Variants in PPFIBP1 observed in about 807,000 individuals in gnomAD.
PPFIBP1 encodes the protein liprin-beta-1.
Under a neutral mutation model 137.8 loss-of-function variants are expected in PPFIBP1, and 112 were observed. The observed-to-expected ratio is 0.81, with a 90% confidence interval of 0.70 to 0.95. The LOEUF is 0.95. PPFIBP1 is among the 40% of genes least tolerant of loss of function. The pLI, the probability that PPFIBP1 is intolerant of heterozygous loss-of-function variation, is 0.00. For missense variants in PPFIBP1, 1,083 were observed against 1,196.6 expected (o/e 0.91, Z 1.40); for synonymous variants, 378 against 417.3 (o/e 0.91, Z 1.15).
chr12:27,638,086 C>T (rs114600612), intron 4 of PPFIBP1, among the ~76,000 whole-genome samples: 32,783 of 151,748 alleles, frequency 0.22, 3,756 homozygotes, highest in East Asian at 0.29. Flanking sequence ...ATACTTACTG[C>T]ACATAGAATT....
chr12:27,617,791 G>A lies in PPFIBP1; in HGVS notation c.-35-15571G>A, dbSNP rs547229779. ...GATACAGAGGGCTGACTATATATAT[G>A]TATGTATATGAGTAAATGTATAAAT... On this transcript the variant is annotated intron_variant, in intron 2 of 29. Transcript: ENST00000228425. Among the ~76,000 whole-genome samples the A allele has an allele frequency of 2.6e-5, 4 of 152,282 alleles. 1 individual carries two copies. Among genetic ancestry groups the A allele is most frequent in the African/African-American group, 7.2e-5 (3 of 41,552 alleles).
At chr12:27,604,781 A>G (rs561397550) in intron 2 of PPFIBP1, among the ~76,000 whole-genome samples, 1 of 152,306 alleles carries the variant, frequency 6.6e-6, no homozygotes, top group Non-Finnish European at 1.5e-5. Context: ...GCTGATAAAG[A>G]CACACCCGAG....
intron 10 of PPFIBP1, among the ~76,000 whole-genome samples, chr12:27,659,393 T>A (rs1565958178): frequency 6.6e-6 from 1 of 152,062 alleles, no homozygotes; most frequent in Non-Finnish European, 1.5e-5. Context: ...AGGATCACTT[T>A]TGAGGCCAGG....
intron 2 of PPFIBP1, among the ~76,000 whole-genome samples, chr12:27,582,228 G>A (rs1206334830): frequency 1.3e-5 from 2 of 152,088 alleles, no homozygotes; most frequent in Admixed American, 1.3e-4. Context: ...ATGTGTGTGT[G>A]CATACATGCT....
At chr12:27,590,434 C>T (rs2052359329) in intron 2 of PPFIBP1, among the ~76,000 whole-genome samples, 1 of 152,166 alleles carries the variant, frequency 6.6e-6, no homozygotes, top group African/African-American at 2.4e-5. Flanking sequence ...CCTCGGCCTC[C>T]CAAAGTGCTG....
chr12:27,534,286 T>TG (rs1944732807), intron 1 of PPFIBP1, among the ~76,000 whole-genome samples: 1 of 149,088 alleles, frequency 6.7e-6, no homozygotes, highest in Admixed American at 6.6e-5. Flanking sequence ...ATAGGGGAAA[T>TG]GGAAAAAAAA....
intron 1 of PPFIBP1, among the ~76,000 whole-genome samples, chr12:27,541,089 A>G (rs1945602729): frequency 6.6e-6 from 1 of 152,174 alleles, no homozygotes; most frequent in Non-Finnish European, 1.5e-5. Flanking sequence ...CTATACTAAA[A>G]TGAACCCTTA....
chr12:27,634,712 G>A (rs1440242392), intron 3 of PPFIBP1, among the ~76,000 whole-genome samples, 198 bp from the exon 4 acceptor site: 2 of 152,152 alleles, frequency 1.3e-5, no homozygotes, highest in African/African-American at 4.8e-5. Flanking sequence ...CTGGACCATG[G>A]ATATTTACCA....
Position 27,672,306 on chromosome 12 carries a change from T to TA in PPFIBP1, c.1263-114dup, listed in dbSNP as rs1565985375. On this transcript the variant is annotated intron_variant, in intron 14 of 29. Coordinates refer to ENST00000228425, the MANE Select transcript of PPFIBP1 (RefSeq NM_003622.4). ...TTTAGGCCAAATAAAATAGGACATT[T>TA]AAAAAAATAGAAATAGCTTCCTTTG... 5.2e-6 allele frequency: 4 copies of TA among 761,914 alleles called. No homozygotes were observed. In the Admixed American group the frequency reaches 8.4e-5, roughly 16 times the overall value. 47.2% of individuals were successfully genotyped at this position (761,914 alleles called of 1,614,324 possible). A position where few individuals can be genotyped will look rare whatever the true frequency, so the allele number is the denominator to read the frequency against.
chr12:27,616,348 T>C (rs2055757280), intron 2 of PPFIBP1, among the ~76,000 whole-genome samples: 1 of 151,094 alleles, frequency 6.6e-6, no homozygotes, highest in Non-Finnish European at 1.5e-5. Context: ...ATCCCTCCTC[T>C]TCTACTTTGT....
chr12:27,587,758 T>A (rs148591509), intron 2 of PPFIBP1, among the ~76,000 whole-genome samples: 2,520 of 152,314 alleles, frequency 0.017, 69 homozygotes, highest in African/African-American at 0.058. Context: ...TCTGTCTTTT[T>A]TTTCCTGGAC....
At chr12:27,556,914 G>A (rs2048744288) in intron 1 of PPFIBP1, among the ~76,000 whole-genome samples, 1 of 150,500 alleles carries the variant, frequency 6.6e-6, no homozygotes, top group African/African-American at 2.5e-5. Flanking sequence ...AGGAGAGAGG[G>A]GGATTAAGCT....
intron 1 of PPFIBP1, among the ~76,000 whole-genome samples, chr12:27,557,942 C>T (rs956984127): frequency 1.3e-5 from 2 of 152,140 alleles, no homozygotes; most frequent in Non-Finnish European, 2.9e-5. Context: ...CCTGATAATC[C>T]TGGGAGCAGA....
intron 2 of PPFIBP1, among the ~76,000 whole-genome samples, chr12:27,609,961 G>A (rs2054918387): frequency 1.3e-5 from 2 of 152,148 alleles, no homozygotes; most frequent in Non-Finnish European, 2.9e-5. Flanking sequence ...AGGTCTTGGG[G>A]GAAAGAACCA....
At chr12:27,608,026 T>C (rs967366313) in intron 2 of PPFIBP1, among the ~76,000 whole-genome samples, 7 of 152,248 alleles carry the variant, frequency 4.6e-5, no homozygotes, top group African/African-American at 1.4e-4. Context: ...CTATTTTCAT[T>C]CTTTTTAAAT....
chr12:27,526,639 G>A (rs540922923), intron 1 of PPFIBP1, among the ~76,000 whole-genome samples: 1 of 152,238 alleles, frequency 6.6e-6, no homozygotes, highest in South Asian at 2.1e-4. Context: ...TTGGAGACCA[G>A]CCTGGCTAAC....
chr12:27,635,320 A>G, intron 4 of PPFIBP1: 2 of 609,944 alleles, frequency 3.3e-6, no homozygotes, highest in Non-Finnish European at 5.8e-6. Flanking sequence ...AAATACCAAC[A>G]ACAGGTCACC....
chr12:27,663,307 C>T (rs191969614), intron 11 of PPFIBP1, among the ~76,000 whole-genome samples: 6 of 152,188 alleles, frequency 3.9e-5, no homozygotes, highest in Admixed American at 6.5e-5. Context: ...GAATGGGAGG[C>T]GCTAGGGAGG....
intron 2 of PPFIBP1, chr12:27,599,430 C>T (rs911997016): frequency 8.8e-6 from 4 of 455,612 alleles, no homozygotes; most frequent in African/African-American, 8.0e-5. Context: ...TTTTCTGGGT[C>T]TCCAGCTTGC....
Sources: gnomAD v4.1 joint callset for allele counts (sites outside exome capture counted in the v4.1 genomes callset) on GRCh38, gnomAD v4.1.1 for gene constraint, MANE v1.5 for transcripts, NCBI Gene and HGNC (gene_info 2026-07-23, HGNC 2026-07-21) for gene names.